Variants in NBAS observed in about 807,000 individuals in gnomAD.
NBAS encodes NBAS subunit of NRZ tethering complex.
In NBAS, 219 loss-of-function variants were observed where a neutral mutation model predicts 302.5. That is an observed-to-expected ratio of 0.72 (90% CI 0.65 to 0.81). NBAS has a LOEUF of 0.81. NBAS is among the 30% of genes least tolerant of loss of function. The probability of loss-of-function intolerance (pLI) is 0.00; values close to 1 mark genes in which losing one functional copy is unlikely to be tolerated. For missense variants in NBAS, 2,932 were observed against 2,841.6 expected (o/e 1.03, Z -0.72); for synonymous variants, 1,118 against 1,021.6 (o/e 1.09, Z -1.80).
the NBAS span, among the ~76,000 whole-genome samples, chr2:14,874,311 C>A: frequency 3.7e-4 from 57 of 152,060 alleles, no homozygotes; most frequent in Admixed American, 3.3e-4. Flanking sequence ...GAGGCCTGCA[C>A]TGCCCTGATA....
the NBAS span, among the ~76,000 whole-genome samples, chr2:15,073,265 G>C: frequency 6.6e-6 from 1 of 152,068 alleles, no homozygotes; most frequent in Admixed American, 6.6e-5. Context: ...GATCACCTGA[G>C]ATCAGGAGTT....
downstream of NBAS, among the ~76,000 whole-genome samples, chr2:15,165,273 G>A (rs1295395400): frequency 6.6e-6 from 1 of 152,238 alleles, no homozygotes; most frequent in East Asian, 1.9e-4. Context: ...CATAGGCGGT[G>A]CCATCAGAGC....
chr2:14,994,551 T>G, the NBAS span, among the ~76,000 whole-genome samples: 2 of 152,152 alleles, frequency 1.3e-5, no homozygotes, highest in South Asian at 4.1e-4. Flanking sequence ...GGGCCTTGGA[T>G]GTGGCTGACG....
At chr2:15,250,238 G>T (rs1430502826) in intron 44 of NBAS, among the ~76,000 whole-genome samples, 1 of 152,188 alleles carries the variant, frequency 6.6e-6, no homozygotes, top group Non-Finnish European at 1.5e-5. Flanking sequence ...AATAAATGAT[G>T]TTGGGAAAAC....
chr2:15,348,175 A>G (rs186964302), intron 35 of NBAS, among the ~76,000 whole-genome samples: 207 of 152,328 alleles, frequency 1.4e-3, no homozygotes, highest in African/African-American at 4.4e-3. Flanking sequence ...TGCCTCATAA[A>G]TCAAAGCCGT....
At chr2:15,013,706 C>G in the NBAS span, among the ~76,000 whole-genome samples, 3 of 152,108 alleles carry the variant, frequency 2.0e-5, no homozygotes, top group African/African-American at 7.2e-5. Flanking sequence ...ATTGCTTGAG[C>G]CTGGAAGATG....
At chr2:15,461,812 A>T (rs773596433) in intron 19 of NBAS, 21 bp from the exon 20 acceptor site, 2 of 1,380,236 alleles carry the variant, frequency 1.4e-6, no homozygotes, top group Admixed American at 3.4e-5. Flanking sequence ...ATTTAATGAA[A>T]AGTGATTTAA....
At chr2:15,536,042 T>A (rs1415567419) in intron 8 of NBAS, among the ~76,000 whole-genome samples, 1 of 152,188 alleles carries the variant, frequency 6.6e-6, no homozygotes, top group African/African-American at 2.4e-5. Context: ...GCTGGTATAA[T>A]CAAGATGTAT....
At chr2:14,846,926 G>C in the NBAS span, among the ~76,000 whole-genome samples, 2 of 151,938 alleles carry the variant, frequency 1.3e-5, no homozygotes, top group African/African-American at 4.8e-5. Flanking sequence ...AAAACAACCA[G>C]AAAACAAATA....
At chr2:15,533,362 C>T (rs1663314730) in intron 9 of NBAS, among the ~76,000 whole-genome samples, 1 of 151,994 alleles carries the variant, frequency 6.6e-6, no homozygotes, top group East Asian at 1.9e-4. Context: ...AATTTAGAAA[C>T]AAACCAAATT....
the NBAS span, among the ~76,000 whole-genome samples, chr2:15,060,142 G>A: frequency 1.3e-5 from 2 of 152,016 alleles, no homozygotes; most frequent in Non-Finnish European, 2.9e-5. Flanking sequence ...TATAAAAGGG[G>A]GATAATTGAA....
chr2:15,084,740 T>G, the NBAS span, among the ~76,000 whole-genome samples: 2 of 152,030 alleles, frequency 1.3e-5, no homozygotes, highest in Non-Finnish European at 2.9e-5. Flanking sequence ...CTCATCTCTC[T>G]TCCCTCCCCC....
At position 15,461,344 on chromosome 2, in the gene NBAS, A is replaced by C; in HGVS notation, c.2203-7T>G. Reference sequence around the variant, plus strand: ...GGGCTTGTACATTACTTTCCTGTACAAAAGGCAAGGGGTAAGTTTCTAATG... The same window carrying C: ...GGGCTTGTACATTACTTTCCTGTACCAAAGGCAAGGGGTAAGTTTCTAATG... On this transcript the variant is annotated splice_polypyrimidine_tract_variant and splice_region_variant and intron_variant, in intron 20 of 51. Transcript: ENST00000281513. 1 of 1,611,234 alleles carries C rather than the reference A, an allele frequency of 6.2e-7. No homozygotes were observed. Among genetic ancestry groups the C allele is most frequent in the Non-Finnish European group, 8.5e-7 (1 of 1,177,484 alleles).
intron 48 of NBAS, among the ~76,000 whole-genome samples, chr2:15,204,767 C>A (rs1666060052): frequency 6.6e-6 from 1 of 152,108 alleles, no homozygotes; most frequent in Non-Finnish European, 1.5e-5. Context: ...GGACAGAAAA[C>A]CAAACACCGC....
At chr2:15,515,338 G>T (rs890367975) in intron 9 of NBAS, among the ~76,000 whole-genome samples, 2 of 152,172 alleles carry the variant, frequency 1.3e-5, no homozygotes, top group Non-Finnish European at 2.9e-5. Flanking sequence ...CTACTGAAGG[G>T]TTTTTCTTCA....
chr2:15,494,728 G>C (rs1253123192), intron 11 of NBAS, among the ~76,000 whole-genome samples: 2 of 152,108 alleles, frequency 1.3e-5, no homozygotes, highest in Non-Finnish European at 2.9e-5. Context: ...AAAAAGGAGG[G>C]TATCAGAATC....
chr2:14,805,444 A>G, the NBAS span, among the ~76,000 whole-genome samples: 1 of 152,198 alleles, frequency 6.6e-6, no homozygotes, highest in Non-Finnish European at 1.5e-5. Flanking sequence ...TTGCAGGCAA[A>G]TAAGAGCCAT....
chr2:15,174,080 C>T (rs978600618), intron 51 of NBAS, among the ~76,000 whole-genome samples: 3 of 152,102 alleles, frequency 2.0e-5, no homozygotes, highest in Admixed American at 6.5e-5. Flanking sequence ...TATTGCTGGA[C>T]GCATCCAGAC....
Position 15,473,344 on chromosome 2 carries a change from C to G in NBAS, c.1603G>C (p.Glu535Gln), listed in dbSNP as rs750942877. The change falls in exon 16 of 52, where the codon GAA (glutamate) becomes CAA (glutamine). Residue 535 changes from glutamate to glutamine, a missense_variant. Glu to Gln is a conservative substitution (Grantham distance 29). Transcript: ENST00000281513. ...AAGGCTTCCTCATACTCTTCACTTT[C>G]AATCTTCAGATAAAAACACGAGGAC... is the stretch of plus-strand genomic sequence containing the variant. ...TPEELYQRKI[E>Q]SEEYEEALSL... 53 of 1,613,610 alleles carry G rather than the reference C, an allele frequency of 3.3e-5. No individual in the cohort carries two copies. The highest frequency in any genetic ancestry group is 4.1e-5 in the Non-Finnish European group (48 of 1,179,762).
Sources: gnomAD v4.1 joint callset for allele counts (sites outside exome capture counted in the v4.1 genomes callset) on GRCh38, gnomAD v4.1.1 for gene constraint, MANE v1.5 for transcripts, NCBI Gene and HGNC (gene_info 2026-07-23, HGNC 2026-07-21) for gene names.